Variants in ZNF804B observed in about 807,000 individuals in gnomAD.
The protein encoded by ZNF804B is zinc finger 804B.
A neutral mutation model predicts 101.4 loss-of-function variants in ZNF804B; 80 were observed. The observed-to-expected ratio is 0.79, with a 90% CI of 0.66 to 0.95. ZNF804B has a LOEUF of 0.95. ZNF804B is among the 40% of genes least tolerant of loss of function. The pLI, the probability that ZNF804B is intolerant of heterozygous loss-of-function variation, is 0.00. For missense variants in ZNF804B, 1,673 were observed against 1,561.9 expected, an observed-to-expected ratio of 1.07 and a Z score of -1.20; for synonymous variants, 622 against 558.8, an observed-to-expected ratio of 1.11 and a Z score of -1.59.
chr7:88,919,777 G>C (rs1366809806), intron 1 of ZNF804B, among the ~76,000 whole-genome samples: 1 of 152,068 alleles, frequency 6.6e-6, no homozygotes, highest in Non-Finnish European at 1.5e-5. Context: ...TAATAATTCT[G>C]ATTAACAGCG....
chr7:89,012,047 G>T (rs1346255380), intron 1 of ZNF804B, among the ~76,000 whole-genome samples: 4 of 152,102 alleles, frequency 2.6e-5, no homozygotes, highest in African/African-American at 9.7e-5. Context: ...CTAGGCAGTG[G>T]CTCCCAAACC....
chr7:88,870,253 C>T (rs924886357), intron 1 of ZNF804B, among the ~76,000 whole-genome samples: 4 of 150,574 alleles, frequency 2.7e-5, no homozygotes, highest in Admixed American at 6.6e-5. Flanking sequence ...GGCATGGTGG[C>T]GCGCGCCTGT....
intron 1 of ZNF804B, among the ~76,000 whole-genome samples, chr7:88,883,383 G>T (rs1792071294): frequency 6.6e-6 from 1 of 152,002 alleles, no homozygotes; most frequent in East Asian, 1.9e-4. Flanking sequence ...CATACAACTA[G>T]ACTAGATTTA....
At position 89,338,494 on chromosome 7, in the gene ZNF804B, G is replaced by A. The variant is rs534213573; in HGVS notation, c.*1462G>A. Among the ~76,000 whole-genome samples, 275 of 152,118 alleles carry A rather than the reference G, an allele frequency of 1.8e-3. 2 individuals are homozygous for A. The South Asian group carries it at 0.019, about 11-fold the overall frequency. ...TTGGTAAACAGTAGGAAAGGACATC[G>A]TTGATTCAGGAGAGACTGGTGAGAG... is the stretch of plus-strand genomic sequence containing the variant. On this transcript the variant is annotated 3_prime_UTR_variant, in exon 4 of 4. Transcript: ENST00000333190.
At chr7:88,772,001 A>G (rs986594896) in intron 1 of ZNF804B, among the ~76,000 whole-genome samples, 3 of 152,182 alleles carry the variant, frequency 2.0e-5, no homozygotes, top group Non-Finnish European at 2.9e-5. Flanking sequence ...ACAAGCATGC[A>G]TGAAGATAAA....
intron 1 of ZNF804B, among the ~76,000 whole-genome samples, chr7:89,119,637 CA>C (rs1790368472): frequency 1.3e-5 from 2 of 152,020 alleles, no homozygotes; most frequent in South Asian, 4.1e-4. Flanking sequence ...TTTTATAAGT[CA>C]AAAGCATGTG....
At chr7:89,332,800 T>C in intron 3 of ZNF804B, among the ~76,000 whole-genome samples, 1 of 151,942 alleles carries the variant, frequency 6.6e-6, no homozygotes, top group Admixed American at 6.6e-5. Context: ...CTTATTTTAT[T>C]ATGCATTTAT....
At chr7:89,051,952 A>G (rs1240604211) in intron 1 of ZNF804B, among the ~76,000 whole-genome samples, 1 of 152,090 alleles carries the variant, frequency 6.6e-6, no homozygotes, top group Non-Finnish European at 1.5e-5. Flanking sequence ...TTAGCTATTA[A>G]TATATACACA....
intron 2 of ZNF804B, among the ~76,000 whole-genome samples, chr7:89,242,494 C>T (rs934626924): frequency 5.9e-5 from 9 of 151,734 alleles, no homozygotes; most frequent in African/African-American, 2.2e-4. Flanking sequence ...TTTACCACCC[C>T]TACTTTTATG....
chr7:88,951,461 C>T (rs922295591), intron 1 of ZNF804B, among the ~76,000 whole-genome samples: 3 of 151,758 alleles, frequency 2.0e-5, no homozygotes, highest in Admixed American at 6.6e-5. Context: ...CACACATGCG[C>T]GTGCGCACGC....
intron 1 of ZNF804B, among the ~76,000 whole-genome samples, chr7:89,194,098 G>A (rs942888421): frequency 2.0e-5 from 3 of 151,778 alleles, no homozygotes; most frequent in Non-Finnish European, 3.0e-5. Flanking sequence ...TTTTTTGGCT[G>A]CATAAATGTC....
chr7:89,201,838 TAA>T (rs1788644605), intron 1 of ZNF804B, among the ~76,000 whole-genome samples: 1 of 152,070 alleles, frequency 6.6e-6, no homozygotes, highest in South Asian at 2.1e-4. Flanking sequence ...CTTATATATC[TAA>T]GAGTCAAATT....
Position 88,759,831 on chromosome 7 carries a change from A to G in ZNF804B, c.-146A>G, listed in dbSNP as rs955205761. 29 of 652,284 alleles carry G rather than the reference A, an allele frequency of 4.4e-5. No individual in the cohort carries two copies. The highest frequency in any genetic ancestry group is 7.3e-5 in the Non-Finnish European group (27 of 369,270). The allele number at this position is 652,284 out of a possible 1,614,324, so 40.4% of individuals were successfully genotyped here. ...GCCCCGCACGGGGCGCGGAGCAGGG[A>G]CGCGCTGCCACCGCCTCCCCCTGCG... On this transcript the variant is annotated 5_prime_UTR_variant, in exon 1 of 4. Coordinates refer to ENST00000333190, the MANE Select transcript of ZNF804B (RefSeq NM_181646.5).
chr7:89,239,862 A>G (rs1789340664), intron 2 of ZNF804B, among the ~76,000 whole-genome samples: 1 of 151,308 alleles, frequency 6.6e-6, no homozygotes, highest in Non-Finnish European at 1.5e-5. Flanking sequence ...TGAAACTTTC[A>G]TTGAAAAATC....
intron 1 of ZNF804B, among the ~76,000 whole-genome samples, chr7:88,809,335 CT>C (rs1252101947): frequency 6.6e-6 from 1 of 151,104 alleles, no homozygotes; most frequent in Non-Finnish European, 1.5e-5. Context: ...ATCTATCTAT[CT>C]ATCTATCTAT....
At chr7:88,919,498 T>C (rs1240117689) in intron 1 of ZNF804B, among the ~76,000 whole-genome samples, 1 of 152,144 alleles carries the variant, frequency 6.6e-6, no homozygotes, top group Non-Finnish European at 1.5e-5. Context: ...TGGTCTCTTC[T>C]AGAGGAAGCA....
intron 1 of ZNF804B, among the ~76,000 whole-genome samples, chr7:89,067,111 T>C (rs970019752): frequency 6.6e-6 from 1 of 152,162 alleles, no homozygotes; most frequent in Non-Finnish European, 1.5e-5. Flanking sequence ...GAGAAGCTGA[T>C]AAGCTACCGA....
chr7:89,304,342 C>G (rs1790527937), intron 2 of ZNF804B, among the ~76,000 whole-genome samples: 1 of 151,888 alleles, frequency 6.6e-6, no homozygotes, highest in African/African-American at 2.4e-5. Context: ...AATTACCTGC[C>G]TTAGTTCAAT....
In ZNF804B at chr7:89,334,590, A is replaced by AAAG. The variant is rs781572641; in HGVS notation, c.1610_1612dup (p.Lys537dup). The stretch of plus-strand genomic sequence containing the variant: ...AAGAAGATTATCAATATCCGAAACC[A>AAAG]AAGACGATGATAGCTAATCCGGATT... On this transcript the variant is annotated inframe_insertion, in exon 4 of 4. Coordinates refer to ENST00000333190, the MANE Select transcript of ZNF804B (RefSeq NM_181646.5). 14 of 1,613,642 alleles carry AAAG rather than the reference A, an allele frequency of 8.7e-6. No homozygotes were observed. Among genetic ancestry groups the AAAG allele is most frequent in the Non-Finnish European group, 1.2e-5 (14 of 1,179,848 alleles).
Sources: gnomAD v4.1 joint callset for allele counts (sites outside exome capture counted in the v4.1 genomes callset) on GRCh38, gnomAD v4.1.1 for gene constraint, MANE v1.5 for transcripts, NCBI Gene and HGNC (gene_info 2026-07-23, HGNC 2026-07-21) for gene names.